The following DGKD variants were observed in gnomAD, a reference collection of about 807,000 sequenced individuals.
DGKD encodes the protein DAG kinase delta.
In DGKD, 68 loss-of-function variants were observed where a neutral mutation model predicts 154.4. The ratio of observed to expected loss-of-function variants is 0.44; its 90% CI spans 0.36 to 0.54. The LOEUF (loss-of-function observed/expected upper bound fraction) is 0.54. DGKD is among the 20% of genes least tolerant of loss of function. The pLI, the probability that DGKD is intolerant of heterozygous loss-of-function variation, is 0.00. For synonymous variants in DGKD, 693 were observed against 638.0 expected (o/e 1.09, Z -1.30); for missense variants, 1,343 against 1,593.6 (o/e 0.84, Z 2.68).
At chr2:233,467,954 C>A (rs1158540880) in intron 28 of DGKD, among the ~76,000 whole-genome samples, 1 of 152,180 alleles carries the variant, frequency 6.6e-6, no homozygotes, top group African/African-American at 2.4e-5. Flanking sequence ...TTTAACCCTT[C>A]TAGAAGCTGG....
chr2:233,383,480 A>G lies in DGKD; in HGVS notation c.157-4777A>G, dbSNP rs528890415. Among the ~76,000 whole-genome samples, 254 of 152,240 alleles carry G rather than the reference A, an allele frequency of 1.7e-3. 3 individuals are homozygous for G. The highest frequency in any genetic ancestry group is 5.8e-3 in the African/African-American group (242 of 41,524). ...TGATGAGCAGAAATTCTCAATTGCAATATAGTTGAGTTTAGCAGTCATAGC... is the reference window on the plus strand; with the variant it reads ...TGATGAGCAGAAATTCTCAATTGCAGTATAGTTGAGTTTAGCAGTCATAGC... On this transcript the variant is annotated intron_variant, in intron 1 of 29. Transcript: ENST00000264057.
At position 233,354,571 on chromosome 2, in the gene DGKD, C is replaced by T. The variant is rs767976862; in HGVS notation, c.53C>T (p.Pro18Leu). The part of the protein sequence containing the change: ...PPPGPPQPPP[P>L]PPPEESSDSE... The stretch of plus-strand genomic sequence containing the variant: ...CCGGGTCCCCCGCAACCGCCTCCGC[C>T]GCCGCCGCCCGAGGAGTCGTCCGAC... The change falls in exon 1 of 30, where the codon CCG (proline) becomes CTG (leucine). Residue 18 changes from proline to leucine, a missense_variant. Pro to Leu is a moderately conservative substitution (Grantham distance 98). Coordinates refer to ENST00000264057, the MANE Select transcript of DGKD (RefSeq NM_152879.3). The surrounding 1 kb of genome is among the most constrained non-coding windows in gnomAD (Gnocchi z 4.8). The T allele has an allele frequency of 1.9e-6, 2 of 1,072,822 alleles. No individual in the cohort carries two copies. Among genetic ancestry groups the T allele is most frequent in the Non-Finnish European group, 1.1e-6 (1 of 876,482 alleles). The allele number at this position is 1,072,822 out of a possible 1,614,324, so 66.5% of individuals were successfully genotyped here. A position where few individuals can be genotyped will look rare whatever the true frequency, so the allele number is the denominator to read the frequency against.
Position 233,457,704 on chromosome 2 carries a change from G to C in DGKD, c.2580+376G>C. ...GGCAGAGAGAATTGCACAGATGAAG[G>C]CTCAGAGTCAAGACAGGGCAGGCAC... On this transcript the variant is annotated intron_variant, in intron 21 of 29. Coordinates refer to ENST00000264057, the MANE Select transcript of DGKD (RefSeq NM_152879.3). This position sits in a 1 kb window ranked among gnomAD's most constrained non-coding sequence, Gnocchi z 5.5. The C allele has an allele frequency of 2.5e-6, 1 of 407,646 alleles. No individual in the cohort carries two copies. Among genetic ancestry groups the C allele is most frequent in the Non-Finnish European group, 4.9e-6 (1 of 203,720 alleles). The allele number at this position is 407,646 out of a possible 1,614,324, so 25.3% of individuals were successfully genotyped here. A position where few individuals can be genotyped will look rare whatever the true frequency, so the allele number is the denominator to read the frequency against.
intron 3 of DGKD, among the ~76,000 whole-genome samples, chr2:233,394,454 G>A (rs1158525516): frequency 6.6e-6 from 1 of 151,864 alleles, no homozygotes; most frequent in East Asian, 1.9e-4. Flanking sequence ...ATGTTGCTCA[G>A]GCTGGTCTCA....
intron 3 of DGKD, chr2:233,392,547 A>G (rs1053758640): frequency 6.6e-6 from 1 of 152,172 alleles, no homozygotes; most frequent in Non-Finnish European, 1.5e-5. Flanking sequence ...AGTTGGACAT[A>G]CTGTGTTTTG....
intron 3 of DGKD, among the ~76,000 whole-genome samples, chr2:233,423,534 G>A (rs142451453): frequency 3.3e-5 from 5 of 152,030 alleles, no homozygotes; most frequent in East Asian, 1.9e-4. Context: ...CTTATTTGCC[G>A]CTTGCATATC....
chr2:233,367,274 A>C lies in DGKD; in HGVS notation c.156+12600A>C, dbSNP rs538603236. 4.0e-5 allele frequency among the ~76,000 whole-genome samples: 6 copies of C among 150,856 alleles called. No individual in the cohort carries two copies. In the East Asian group the frequency reaches 1.2e-3, roughly 29 times the overall value. ...GACAGAATCTCACTCTGTCGCCCAG[A>C]CTGGAGTGCAGTGGTGCGATCTCGG... On this transcript the variant is annotated intron_variant, in intron 1 of 29. Coordinates refer to ENST00000264057, the MANE Select transcript of DGKD (RefSeq NM_152879.3).
At chr2:233,403,958 T>C (rs1389698293) in intron 3 of DGKD, among the ~76,000 whole-genome samples, 8 of 152,178 alleles carry the variant, frequency 5.3e-5, no homozygotes, top group Non-Finnish European at 1.0e-4. Context: ...GACTTTTTAA[T>C]AGGCACACAT....
rs1375232640 is a variant in DGKD, at chr2:233,449,607, C to T, written c.1888+231C>T. On this transcript the variant is annotated intron_variant, in intron 15 of 29. Coordinates refer to ENST00000264057, the MANE Select transcript of DGKD (RefSeq NM_152879.3). This position sits in a 1 kb window ranked among gnomAD's most constrained non-coding sequence, Gnocchi z 5.3. ...TGCCTCCCCTCGACCTCTTTCCTGG[C>T]CCTCATTGACTTCACTATAAGCGTC... Among the ~76,000 whole-genome samples the T allele has an allele frequency of 6.6e-6, 1 of 152,182 alleles. No individual in the cohort carries two copies. Among genetic ancestry groups the T allele is most frequent in the Non-Finnish European group, 1.5e-5 (1 of 68,030 alleles).
Position 233,394,690 on chromosome 2 carries a change from C to CTTTTTTTTTTTTTTTTTTTTTTTT in DGKD, c.348+4207_348+4208insTTTTTTTTTTTTTTTTTTTTTTTT, listed in dbSNP as rs1703879704. On this transcript the variant is annotated intron_variant, in intron 3 of 29. Coordinates refer to ENST00000264057, the MANE Select transcript of DGKD (RefSeq NM_152879.3). ...TTCCTTATTATTTTGAATTTAATTC[C>CTTTTTTTTTTTTTTTTTTTTTTTT]CTTTTTTTTTTTTTTTTTTTTTTTT... Among the ~76,000 whole-genome samples, 14 of 83,246 alleles carry CTTTTTTTTTTTTTTTTTTTTTTTT rather than the reference C, an allele frequency of 1.7e-4. 3 individuals carry two copies. Among genetic ancestry groups the CTTTTTTTTTTTTTTTTTTTTTTTT allele is most frequent in the Non-Finnish European group, 2.3e-4 (10 of 42,712 alleles). The allele number at this position is 83,246 out of a possible 152,430, so 54.6% of individuals were successfully genotyped here. A position where few individuals can be genotyped will look rare whatever the true frequency, so the allele number is the denominator to read the frequency against.
At chr2:233,465,191 A>G (rs1054352723) in intron 27 of DGKD, among the ~76,000 whole-genome samples, 40 of 152,340 alleles carry the variant, frequency 2.6e-4, no homozygotes, top group African/African-American at 9.4e-4. Flanking sequence ...GCTCCTCAAA[A>G]TCCATTAAAT....
chr2:233,436,146 A>G (rs748347858), intron 6 of DGKD, among the ~76,000 whole-genome samples, 170 bp from the exon 7 acceptor site: 7 of 152,134 alleles, frequency 4.6e-5, no homozygotes, highest in Admixed American at 1.3e-4. Flanking sequence ...GACAGGTGCT[A>G]TGGGTAGATG....
chr2:233,405,602 G>A (rs116306634), intron 3 of DGKD, among the ~76,000 whole-genome samples: 1,658 of 152,144 alleles, frequency 0.011, 12 homozygotes, highest in Non-Finnish European at 0.017. Flanking sequence ...TGTTATTGTA[G>A]GGGTCAGTTC....
rs186253088 is a variant in DGKD, at chr2:233,407,377, T to A, written c.348+16894T>A. On this transcript the variant is annotated intron_variant, in intron 3 of 29. Transcript: ENST00000264057. ...TCAATACAAACAGGAAAAATAAAAGTTAAGGGAAAACCAAGTATAATTTAA... is the reference window on the plus strand; with the variant it reads ...TCAATACAAACAGGAAAAATAAAAGATAAGGGAAAACCAAGTATAATTTAA... 8.5e-5 allele frequency among the ~76,000 whole-genome samples: 13 copies of A among 152,264 alleles called. 1 individual carries two copies. In the East Asian group the frequency reaches 2.5e-3, roughly 29 times the overall value.
intron 3 of DGKD, among the ~76,000 whole-genome samples, chr2:233,426,765 C>T (rs911589909): frequency 6.6e-6 from 1 of 152,114 alleles, no homozygotes; most frequent in Non-Finnish European, 1.5e-5. Context: ...GGTGGAATTG[C>T]TGAGTCACAG....
At chr2:233,379,264 C>G (rs1373825977) in intron 1 of DGKD, among the ~76,000 whole-genome samples, 1 of 152,092 alleles carries the variant, frequency 6.6e-6, no homozygotes, top group Non-Finnish European at 1.5e-5. Context: ...AAAGCTTAGT[C>G]ATTTCCCAGC....
chr2:233,390,881 G>C (rs562229338), intron 3 of DGKD, among the ~76,000 whole-genome samples: 5 of 152,106 alleles, frequency 3.3e-5, no homozygotes, highest in Non-Finnish European at 7.4e-5. Context: ...TTACAGGCAT[G>C]TGCCACCACA....
At position 233,354,922 on chromosome 2, in the gene DGKD, C is replaced by T. The variant is rs1305807840; in HGVS notation, c.156+248C>T. Among the ~76,000 whole-genome samples the T allele has an allele frequency of 6.9e-6, 1 of 145,722 alleles. No individual in the cohort carries two copies. Among genetic ancestry groups the T allele is most frequent in the East Asian group, 2.0e-4 (1 of 4,968 alleles). On this transcript the variant is annotated intron_variant, in intron 1 of 29. Coordinates refer to ENST00000264057, the MANE Select transcript of DGKD (RefSeq NM_152879.3). The surrounding 1 kb of genome is among the most constrained non-coding windows in gnomAD (Gnocchi z 4.8). ...GCGGGGGGCGCGCAGGTGGGCGCCC[C>T]GGGCGCCGCGCGCTGGGCGGGGGGC...
At chr2:233,464,560 G>A (rs575833630) in intron 27 of DGKD, among the ~76,000 whole-genome samples, 1 of 152,350 alleles carries the variant, frequency 6.6e-6, no homozygotes, top group Admixed American at 6.5e-5. Flanking sequence ...TGGACAGTGG[G>A]TAGAAGGAAG....
Sources: allele counts gnomAD v4.1 joint callset (sites outside exome capture counted in the v4.1 genomes callset), GRCh38; gene constraint gnomAD v4.1.1; non-coding constraint Gnocchi (gnomAD v3.1); transcripts MANE v1.5; gene names NCBI Gene and HGNC (gene_info 2026-07-23, HGNC 2026-07-21).